SCAI: variants seen among roughly 807,000 people sequenced by gnomAD.
The protein encoded by SCAI is suppressor of cancer cell invasion, also known as protein SCAI.
Under a neutral mutation model 92.2 loss-of-function variants are expected in SCAI, and 24 were observed. That is an observed-to-expected ratio of 0.26 (90% CI 0.19 to 0.37). The LOEUF is 0.37. SCAI is among the 10% of genes least tolerant of loss of function. The pLI is 1.00. For missense variants in SCAI, 450 were observed against 736.2 expected (o/e 0.61, Z 4.50); for synonymous variants, 261 against 258.6 (o/e 1.01, Z -0.09).
intron 17 of SCAI, among the ~76,000 whole-genome samples, chr9:124,960,295 C>T (rs1195896368): frequency 6.6e-6 from 1 of 152,174 alleles, no homozygotes; most frequent in Non-Finnish European, 1.5e-5. Context: ...GTGGCGTGAT[C>T]ATAATTCACT....
chr9:125,023,942 C>T (rs1832916591), intron 6 of SCAI, among the ~76,000 whole-genome samples: 2 of 152,000 alleles, frequency 1.3e-5, no homozygotes, highest in Admixed American at 1.3e-4. Flanking sequence ...GACTCCATAT[C>T]AAACTGCAGA....
intron 17 of SCAI, among the ~76,000 whole-genome samples, chr9:124,957,886 T>C (rs1019584571): frequency 6.6e-6 from 1 of 152,054 alleles, no homozygotes; most frequent in Non-Finnish European, 1.5e-5. Flanking sequence ...TTTTGCCTTG[T>C]TGGCCAGGCT....
chr9:125,112,794 TGTA>T (rs1189930662), intron 2 of SCAI, among the ~76,000 whole-genome samples: 1 of 152,172 alleles, frequency 6.6e-6, no homozygotes, highest in Non-Finnish European at 1.5e-5. Flanking sequence ...TGGAGCATCT[TGTA>T]GTGCCAGAAA....
At position 125,061,040 on chromosome 9, in the gene SCAI, G is replaced by A. The variant is rs150168278; in HGVS notation, c.99-5033C>T. 7.7e-3 allele frequency among the ~76,000 whole-genome samples: 1,167 copies of A among 152,304 alleles called. 7 individuals carry two copies. The highest frequency in any genetic ancestry group is 0.012 in the Non-Finnish European group (812 of 68,034). On this transcript the variant is annotated intron_variant, in intron 2 of 17. Coordinates refer to ENST00000336505, the MANE Select transcript of SCAI (RefSeq NM_001144877.3). Reference sequence around the variant, plus strand: ...TGGCCAGGCACGGTGGCTCACGCCTGTAATCCCAGCACTTTGGGAGGCCAA... The same window carrying A: ...TGGCCAGGCACGGTGGCTCACGCCTATAATCCCAGCACTTTGGGAGGCCAA...
chr9:125,133,226 C>A (rs1314847603), intron 2 of SCAI, among the ~76,000 whole-genome samples: 3 of 151,914 alleles, frequency 2.0e-5, no homozygotes, highest in African/African-American at 7.3e-5. Context: ...CCCAGCTCTA[C>A]TAAAAATACA....
At chr9:124,990,601 T>C (rs1036840494) in intron 14 of SCAI, among the ~76,000 whole-genome samples, 2 of 152,020 alleles carry the variant, frequency 1.3e-5, no homozygotes, top group Non-Finnish European at 2.9e-5. Context: ...GAGATAAATT[T>C]CTCTTTCATA....
chr9:125,075,489 C>T (rs1385028171), intron 2 of SCAI, among the ~76,000 whole-genome samples: 1 of 151,946 alleles, frequency 6.6e-6, no homozygotes, highest in East Asian at 1.9e-4. Flanking sequence ...ACCTCTGCTC[C>T]CAGGTTTAAG....
chr9:125,033,383 A>G (rs1169984342), intron 3 of SCAI, among the ~76,000 whole-genome samples: 3 of 152,184 alleles, frequency 2.0e-5, no homozygotes, highest in Admixed American at 6.6e-5. Flanking sequence ...TTATAAGTTA[A>G]TAACACTTTG....
chr9:125,015,846 G>A (rs1227343593), intron 9 of SCAI, among the ~76,000 whole-genome samples: 1 of 151,828 alleles, frequency 6.6e-6, no homozygotes. Context: ...AATACTATGC[G>A]GCCATAAAAA....
chr9:125,042,664 C>CACAT (rs1554783903), intron 3 of SCAI, among the ~76,000 whole-genome samples: 19,010 of 128,572 alleles, frequency 0.15, 1,971 homozygotes, highest in Admixed American at 0.23. Flanking sequence ...CACACACACA[C>CACAT]ACATATACAA....
chr9:125,138,777 G>A (rs770317095), intron 2 of SCAI, among the ~76,000 whole-genome samples: 2 of 151,980 alleles, frequency 1.3e-5, no homozygotes. Context: ...TCAAACTCCC[G>A]ACCTCAGGTG....
At chr9:125,113,243 A>G (rs991064409) in intron 2 of SCAI, among the ~76,000 whole-genome samples, 2 of 152,246 alleles carry the variant, frequency 1.3e-5, no homozygotes, top group Non-Finnish European at 2.9e-5. Flanking sequence ...CATGCAGAAC[A>G]GCATGTACCC....
chr9:125,116,482 G>C (rs894113377), intron 2 of SCAI, among the ~76,000 whole-genome samples: 1 of 151,958 alleles, frequency 6.6e-6, no homozygotes, highest in Non-Finnish European at 1.5e-5. Flanking sequence ...CAGAAAAAGG[G>C]ATACCAGGAA....
chr9:124,954,521 G>A (rs1041529541), intron 17 of SCAI, among the ~76,000 whole-genome samples: 15 of 152,164 alleles, frequency 9.9e-5, no homozygotes, highest in Admixed American at 5.9e-4. Flanking sequence ...AGTAAACTAA[G>A]GCTAAGAAAG....
Position 124,943,945 on chromosome 9 carries a change from C to T in SCAI, c.*8862G>A, listed in dbSNP as rs569498411. The T allele has an allele frequency of 9.2e-5, 14 of 152,318 alleles. No individual in the cohort carries two copies. In the South Asian group the frequency reaches 2.5e-3, roughly 27 times the overall value. The allele number at this position is 152,318 out of a possible 1,614,324, so 9.4% of individuals were successfully genotyped here. ...GAAATCACTATTTATACTGGTGCTA[C>T]ACAACGAAGATAACCTATATGGATA... On this transcript the variant is annotated 3_prime_UTR_variant, in exon 18 of 18. Coordinates refer to ENST00000336505, the MANE Select transcript of SCAI (RefSeq NM_001144877.3).
At chr9:124,954,181 AAGC>A (rs1195693164) in intron 17 of SCAI, among the ~76,000 whole-genome samples, 3 of 152,260 alleles carry the variant, frequency 2.0e-5, no homozygotes, top group African/African-American at 7.2e-5. Flanking sequence ...GAAATTGAAA[AAGC>A]AGACAGAAAA....
chr9:125,055,796 C>T (rs577885524), intron 3 of SCAI, 80 bp downstream of exon 3: 37 of 1,197,236 alleles, frequency 3.1e-5, no homozygotes, highest in Admixed American at 1.5e-4. Context: ...CCATAATTTT[C>T]GGAAACTTAC....
At chr9:125,042,047 A>G (rs1374396471) in intron 3 of SCAI, among the ~76,000 whole-genome samples, 1 of 152,228 alleles carries the variant, frequency 6.6e-6, no homozygotes, top group Non-Finnish European at 1.5e-5. Context: ...TCATTTGGTC[A>G]TTATTACTGT....
intron 17 of SCAI, among the ~76,000 whole-genome samples, chr9:124,953,726 T>C (rs747952905): frequency 6.6e-6 from 1 of 152,056 alleles, no homozygotes; most frequent in Non-Finnish European, 1.5e-5. Flanking sequence ...AAATTCTTCT[T>C]CATTTGGTAA....
Sources: gnomAD v4.1 joint callset for allele counts (sites outside exome capture counted in the v4.1 genomes callset) on GRCh38, gnomAD v4.1.1 for gene constraint, MANE v1.5 for transcripts, NCBI Gene and HGNC (gene_info 2026-07-23, HGNC 2026-07-21) for gene names.